ZNF697: variants seen among roughly 807,000 people sequenced by gnomAD.
ZNF697 encodes the protein zinc finger protein 697.
Under a neutral mutation model 32.4 loss-of-function variants are expected in ZNF697, and 23 were observed. That is an observed-to-expected ratio of 0.71 (90% CI 0.51 to 1.01). ZNF697 has a LOEUF of 1.01. Among genes scored for constraint, ZNF697 ranks in the 50% least tolerant of loss-of-function variants. ZNF697 has a pLI of 0.00. For missense variants in ZNF697, 930 were observed against 794.0 expected (o/e 1.17, Z -2.06); for synonymous variants, 418 against 337.2 (o/e 1.24, Z -2.62).
intron 1 of ZNF697, among the ~76,000 whole-genome samples, chr1:119,639,534 T>C (rs587759448): frequency 7.2e-5 from 11 of 152,192 alleles, no homozygotes; most frequent in Admixed American, 1.3e-4. Flanking sequence ...CCTCAAAGCA[T>C]GGGTTACAGT....
At position 119,622,709 on chromosome 1, in the gene ZNF697, C is replaced by G. The variant is rs1286358387; in HGVS notation, c.1634G>C (p.Cys545Ser). ...HLAQHQKLHLC is the reference protein window; with the variant it reads ...HLAQHQKLHLS The stretch of plus-strand genomic sequence containing the variant: ...AGCCTCCCGCGGACCCAGCCCCTAA[C>G]ACAGGTGCAGCTTCTGGTGCTGCGC... Residue 545 changes from cysteine to serine, a missense_variant, in exon 3 of 3, where the codon TGT becomes TCT. Coordinates refer to ENST00000421812, the MANE Select transcript of ZNF697 (RefSeq NM_001080470.2). 1.3e-6 allele frequency: 2 copies of G among 1,528,416 alleles called. No individual in the cohort carries two copies. The highest frequency in any genetic ancestry group is 4.9e-5 in the East Asian group (2 of 40,862). 94.7% of individuals were successfully genotyped at this position (1,528,416 alleles called of 1,614,324 possible).
At chr1:119,646,551 T>C (rs587599117) in intron 1 of ZNF697, among the ~76,000 whole-genome samples, 10 of 152,288 alleles carry the variant, frequency 6.6e-5, no homozygotes, top group Middle Eastern at 3.4e-3. Context: ...TCGAAAGCCA[T>C]TTATATCAGG....
intron 1 of ZNF697, among the ~76,000 whole-genome samples, chr1:119,642,687 ACATT>A (rs932091858): frequency 6.6e-6 from 1 of 152,210 alleles, no homozygotes; most frequent in Non-Finnish European, 1.5e-5. Context: ...ATAAAAAAAC[ACATT>A]CATTCAACAA....
intron 1 of ZNF697, among the ~76,000 whole-genome samples, chr1:119,644,783 A>G (rs982400538): frequency 1.1e-4 from 17 of 152,250 alleles, no homozygotes; most frequent in Admixed American, 7.2e-4. Flanking sequence ...AGTTCGAGAT[A>G]AGTGAGGGAC....
rs1371420917 is a variant in ZNF697 at position 119,623,255 on chromosome 1, A to C, written c.1088T>G (p.Val363Gly). 1.3e-6 allele frequency: 2 copies of C among 1,546,146 alleles called. No individual in the cohort carries two copies. Among genetic ancestry groups the C allele is most frequent in the East Asian group, 2.4e-5 (1 of 41,684 alleles). Residue 363 changes from valine (V) to glycine (G), a missense_variant, in exon 3 of 3, where the codon GTG (valine) becomes GGG (glycine). Transcript: ENST00000421812. Reference sequence around the variant, plus strand: ...GTGGTTGGCCAGGTGCGAACGGCGCACGAAGCCCTTGCCGCACTCCCCGCA... The same window carrying C: ...GTGGTTGGCCAGGTGCGAACGGCGCCCGAAGCCCTTGCCGCACTCCCCGCA... ...FACGECGKGF[V>G]RRSHLANHQR... is the part of the protein sequence containing the mutation.
intron 2 of ZNF697, 103 bp from the exon 3 acceptor site, chr1:119,624,219 C>G: frequency 7.4e-7 from 1 of 1,350,226 alleles, no homozygotes; most frequent in Non-Finnish European, 9.8e-7. Flanking sequence ...CTCCCTCAGG[C>G]ACTCTGGATC....
In ZNF697 at chr1:119,622,946, C is replaced by A; in HGVS notation, c.1397G>T (p.Arg466Leu). The change falls in exon 3 of 3, where the codon CGC becomes CTC. Residue 466 changes from arginine (R) to leucine (L), a missense_variant. Transcript: ENST00000421812. ...LRVHTGEKPF[R>L]CGQCEKRFSD... ...GAAGCGCTTCTCGCACTGGCCACAG[C>A]GGAAGGGCTTCTCGCCGGTGTGCAC... 1 of 1,604,636 alleles carries A rather than the reference C, an allele frequency of 6.2e-7. No individual in the cohort carries two copies. Among genetic ancestry groups the A allele is most frequent in the East Asian group, 2.3e-5 (1 of 44,360 alleles).
In ZNF697 at chr1:119,623,944, C is replaced by A. The variant is rs752570599; in HGVS notation, c.399G>T (p.Glu133Asp). 2.8e-5 allele frequency: 45 copies of A among 1,598,130 alleles called. No individual in the cohort carries two copies. The highest frequency in any genetic ancestry group is 3.8e-5 in the Non-Finnish European group (44 of 1,172,594). The stretch of plus-strand genomic sequence containing the variant: ...GAAGTACGGGAGGGGCCGGCTGCTC[C>A]TCTTCCTCCTCCAGCCGGTTCTCCC... ...SAGENRLEEE[E>D]EQPAPPVLPW... The change falls in exon 3 of 3, where the codon GAG becomes GAT. Residue 133 changes from glutamate to aspartate, a missense_variant. Physicochemically the swap from Glu to Asp is conservative, Grantham distance 45. Coordinates refer to ENST00000421812, the MANE Select transcript of ZNF697 (RefSeq NM_001080470.2).
chr1:119,631,743 C>T (rs906255282), intron 1 of ZNF697, among the ~76,000 whole-genome samples: 2 of 152,178 alleles, frequency 1.3e-5, no homozygotes, highest in African/African-American at 2.4e-5. Context: ...GGCGGCGGGC[C>T]AGGAGCGGCT....
intron 1 of ZNF697, among the ~76,000 whole-genome samples, chr1:119,642,597 A>G (rs955781912): frequency 1.4e-4 from 22 of 152,176 alleles, no homozygotes; most frequent in African/African-American, 5.3e-4. Flanking sequence ...AGCTTATATA[A>G]TTTATAAGCA....
At chr1:119,625,770 A>G (rs1456888213) in intron 2 of ZNF697, 105 bp downstream of exon 2, 9 of 1,443,890 alleles carry the variant, frequency 6.2e-6, no homozygotes, top group Non-Finnish European at 8.4e-6. Flanking sequence ...GGTCCCCTCT[A>G]TGGAACTCCC....
chr1:119,622,908 TGGA>T lies in ZNF697; in HGVS notation c.1432_1434del (p.Ser478del). 2 of 1,599,686 alleles carry T rather than the reference TGGA, an allele frequency of 1.3e-6. No individual in the cohort carries two copies. Among genetic ancestry groups the T allele is most frequent in the Non-Finnish European group, 1.7e-6 (2 of 1,174,550 alleles). ...TGCGTGCGCTGGTGCTGCGTGAGCG[TGGA>T]GAAGTCGCTGAAGCGCTTCTCGCAC... On this transcript the variant is annotated inframe_deletion, in exon 3 of 3. Transcript: ENST00000421812.
intron 1 of ZNF697, among the ~76,000 whole-genome samples, chr1:119,637,278 G>GACTCAGTTC (rs905468997): frequency 6.6e-6 from 1 of 152,208 alleles, no homozygotes; most frequent in Non-Finnish European, 1.5e-5. Flanking sequence ...TGGGATCAAG[G>GACTCAGTTC]ACTCAGTTCA....
rs587737484 is a variant in ZNF697, at chr1:119,621,334, C to A, written c.*1371G>T. On this transcript the variant is annotated 3_prime_UTR_variant, in exon 3 of 3. Transcript: ENST00000421812. ...CAGCCTGCACACTCCTGTTCCCAGG[C>A]CTTCCCTAAGACAGCGGTCATAATA... The A allele has an allele frequency of 6.5e-6, 1 of 152,722 alleles. No homozygotes were observed. The highest frequency in any genetic ancestry group is 2.1e-4 in the South Asian group (1 of 4,832). The allele number at this position is 152,722 out of a possible 1,614,324, so 9.5% of individuals were successfully genotyped here.
intron 1 of ZNF697, among the ~76,000 whole-genome samples, chr1:119,633,138 C>G (rs1409871302): frequency 6.6e-6 from 1 of 152,172 alleles, no homozygotes; most frequent in Non-Finnish European, 1.5e-5. Context: ...AGAGATGAAA[C>G]TAAGGCTAGA....
Position 119,637,469 on chromosome 1 carries a change from A to T in ZNF697, c.-38+10222T>A, listed in dbSNP as rs759053278. Reference sequence around the variant, plus strand: ...ATAATGAGCAAATCTCATAACTTGAATTCACAAAGGTGTCAAGTTGGTAGA... The same window carrying T: ...ATAATGAGCAAATCTCATAACTTGATTTCACAAAGGTGTCAAGTTGGTAGA... On this transcript the variant is annotated intron_variant, in intron 1 of 2. Coordinates refer to ENST00000421812, the MANE Select transcript of ZNF697 (RefSeq NM_001080470.2). 2.0e-5 allele frequency among the ~76,000 whole-genome samples: 3 copies of T among 152,356 alleles called. No individual in the cohort carries two copies. The East Asian group carries it at 5.8e-4, about 29-fold the overall frequency.
At chr1:119,632,753 C>A (rs1286977551) in intron 1 of ZNF697, among the ~76,000 whole-genome samples, 1 of 152,180 alleles carries the variant, frequency 6.6e-6, no homozygotes, top group African/African-American at 2.4e-5. Context: ...GACACAGATC[C>A]TAAGTGCCCT....
chr1:119,622,611 T>C lies in ZNF697; in HGVS notation c.*94A>G. 1 of 1,423,020 alleles carries C rather than the reference T, an allele frequency of 7.0e-7. No individual in the cohort carries two copies. The allele number at this position is 1,423,020 out of a possible 1,614,324, so 88.1% of individuals were successfully genotyped here. On this transcript the variant is annotated 3_prime_UTR_variant, in exon 3 of 3. Coordinates refer to ENST00000421812, the MANE Select transcript of ZNF697 (RefSeq NM_001080470.2). Reference sequence around the variant, plus strand: ...TCCCCAGTCACTCTCAGATTGTCCCTCCCGCCCCTTCCCCACTTCCTTCCC... The same window carrying C: ...TCCCCAGTCACTCTCAGATTGTCCCCCCCGCCCCTTCCCCACTTCCTTCCC...
In ZNF697 at chr1:119,620,931, A is replaced by G. The variant is rs1490414943; in HGVS notation, c.*1774T>C. The G allele has an allele frequency of 6.7e-6, 1 of 150,370 alleles. No individual in the cohort carries two copies. The highest frequency in any genetic ancestry group is 6.6e-5 in the Admixed American group (1 of 15,192). 9.3% of individuals were successfully genotyped at this position (150,370 alleles called of 1,614,324 possible). ...TCTGATATTTTGTGAAGATGCTTCCATGAAATGTGTAGGGTAACAATCACT... is the reference window on the plus strand; with the variant it reads ...TCTGATATTTTGTGAAGATGCTTCCGTGAAATGTGTAGGGTAACAATCACT... On this transcript the variant is annotated 3_prime_UTR_variant, in exon 3 of 3. Transcript: ENST00000421812.
Sources: allele counts gnomAD v4.1 joint callset (sites outside exome capture counted in the v4.1 genomes callset), GRCh38; gene constraint gnomAD v4.1.1; transcripts MANE v1.5; gene names NCBI Gene and HGNC (gene_info 2026-07-23, HGNC 2026-07-21).